The following F10 variants were observed in gnomAD, a reference collection of about 807,000 sequenced individuals.
The protein encoded by F10 is Stuart-Prower factor.
F10 carries 29 observed loss-of-function variants against 37.1 expected under a neutral mutation model. The ratio of observed to expected loss-of-function variants is 0.78; its 90% CI spans 0.58 to 1.07. F10 has a LOEUF of 1.07. F10 is among the 50% of genes least tolerant of loss of function. F10 has a pLI of 0.00. For missense variants in F10, 539 were observed against 667.9 expected (o/e 0.81, Z 2.13); for synonymous variants, 262 against 268.6 (o/e 0.98, Z 0.24).
In F10 at chr13:113,147,408, T is replaced by C. The variant is rs779364845; in HGVS notation, c.777T>C (p.Gly259=). 35 of 1,613,416 alleles carry C rather than the reference T, an allele frequency of 2.2e-5. No homozygotes were observed. Among genetic ancestry groups the C allele is most frequent in the Non-Finnish European group, 2.6e-5 (31 of 1,179,622 alleles). The part of the protein sequence containing the change: ...QALLINEENE[G]FCGGTILSEF... ...TGCTCATCAATGAGGAAAACGAGGG[T>C]TTCTGTGGTGGAACCATTCTGAGCG... The change falls in exon 7 of 8, where the codon GGT becomes GGC. Residue 259 remains glycine, a synonymous_variant. Transcript: ENST00000375559.
At chr13:113,125,657 G>A (rs1481281874) in intron 1 of F10, among the ~76,000 whole-genome samples, 1 of 152,256 alleles carries the variant, frequency 6.6e-6, no homozygotes, top group Non-Finnish European at 1.5e-5. Flanking sequence ...GGCCTGCTCA[G>A]TCTGACTGAA....
In F10 at chr13:113,143,165, C is replaced by G. The variant is rs561674375; in HGVS notation, c.503-686C>G. Reference sequence around the variant, plus strand: ...GAAGCCCCTTGCCATCCATTCCCCCCTCCTCTCCTCTCCTGCTCCCCCACA... The same window carrying G: ...GAAGCCCCTTGCCATCCATTCCCCCGTCCTCTCCTCTCCTGCTCCCCCACA... On this transcript the variant is annotated intron_variant, in intron 5 of 7. Coordinates refer to ENST00000375559, the MANE Select transcript of F10 (RefSeq NM_000504.4). The surrounding 1 kb of genome is among the most constrained non-coding windows in gnomAD (Gnocchi z 6.8). 4.0e-5 allele frequency among the ~76,000 whole-genome samples: 6 copies of G among 151,250 alleles called. 1 individual carries two copies. The South Asian group carries it at 1.3e-3, about 32-fold the overall frequency.
Position 113,147,450 on chromosome 13 carries a change from G to A in F10, c.819G>A (p.Thr273=), listed in dbSNP as rs769527433. Residue 273 remains threonine (T), a synonymous_variant, in exon 7 of 8, where the codon ACG becomes ACA. Coordinates refer to ENST00000375559, the MANE Select transcript of F10 (RefSeq NM_000504.4). ...TTCTGAGCGAGTTCTACATCCTAAC[G>A]GCAGCCCACTGTCTCTACCAAGCCA... The part of the protein sequence containing the change: ...GTILSEFYIL[T]AAHCLYQAKR... 42 of 1,613,876 alleles carry A rather than the reference G, an allele frequency of 2.6e-5. No homozygotes were observed. In the Admixed American group the frequency reaches 3.0e-4, roughly 12 times the overall value.
At position 113,129,486 on chromosome 13, in the gene F10, G is replaced by A; in HGVS notation, c.105G>A (p.Leu35=). 1 of 1,614,104 alleles carries A rather than the reference G, an allele frequency of 6.2e-7. No individual in the cohort carries two copies. The highest frequency in any genetic ancestry group is 8.5e-7 in the Non-Finnish European group (1 of 1,180,030). Residue 35 remains leucine (L), a synonymous_variant, in exon 2 of 8, where the codon CTG becomes CTA. Coordinates refer to ENST00000375559, the MANE Select transcript of F10 (RefSeq NM_000504.4). ...FIRREQANNI[L]ARVTRANSFL... ...GCAGGGAGCAGGCCAACAACATCCTGGCGAGGGTCACGAGGGCCAATTCCT... is the reference window on the plus strand; with the variant it reads ...GCAGGGAGCAGGCCAACAACATCCTAGCGAGGGTCACGAGGGCCAATTCCT...
intron 7 of F10, among the ~76,000 whole-genome samples, 186 bp downstream of exon 7, chr13:113,147,682 G>A (rs944334909): frequency 6.6e-6 from 1 of 152,174 alleles, no homozygotes; most frequent in African/African-American, 2.4e-5. Flanking sequence ...AGAGTGGGGA[G>A]GAGGACGGGG....
Position 113,144,303 on chromosome 13 carries a change from G to A in F10, c.747+208G>A, listed in dbSNP as rs2138549539. Reference sequence around the variant, plus strand: ...GTGAGCTCCACAGGGAAGTGGCCGGGGCTGAGGGAGAGGCTGGGCCCAGGC... The same window carrying A: ...GTGAGCTCCACAGGGAAGTGGCCGGAGCTGAGGGAGAGGCTGGGCCCAGGC... On this transcript the variant is annotated intron_variant, in intron 6 of 7. Transcript: ENST00000375559. This position sits in a 1 kb window ranked among gnomAD's most constrained non-coding sequence, Gnocchi z 6.4. 1.4e-6 allele frequency: 1 copy of A among 713,056 alleles called. No individual in the cohort carries two copies. Among genetic ancestry groups the A allele is most frequent in the Non-Finnish European group, 2.3e-6 (1 of 433,552 alleles). The allele number at this position is 713,056 out of a possible 1,614,324, so 44.2% of individuals were successfully genotyped here. A position where few individuals can be genotyped will look rare whatever the true frequency, so the allele number is the denominator to read the frequency against.
intron 2 of F10, chr13:113,130,330 C>T (rs3211742): frequency 0.1 from 15,752 of 154,218 alleles, 1,081 homozygotes; most frequent in Middle Eastern, 0.16. Flanking sequence ...AGACGCTACC[C>T]TCCTCTCCCC....
Position 113,143,699 on chromosome 13 carries a change from A to ACGAAGTT in F10, c.503-150_503-149insAAGTTCG. Reference sequence around the variant, plus strand: ...CCTGCAGATCCGACCCCTGCCGACGACGTGGGGCCTCGCCCTGCAAGCCCG... The same window carrying ACGAAGTT: ...CCTGCAGATCCGACCCCTGCCGACGACGAAGTTCGTGGGGCCTCGCCCTGCAAGCCCG... On this transcript the variant is annotated intron_variant, in intron 5 of 7. Coordinates refer to ENST00000375559, the MANE Select transcript of F10 (RefSeq NM_000504.4). The surrounding 1 kb of genome is among the most constrained non-coding windows in gnomAD (Gnocchi z 6.8). 1.7e-6 allele frequency: 2 copies of ACGAAGTT among 1,203,574 alleles called. No homozygotes were observed. The highest frequency in any genetic ancestry group is 2.3e-6 in the Non-Finnish European group (2 of 856,668). The allele number at this position is 1,203,574 out of a possible 1,614,324, so 74.6% of individuals were successfully genotyped here.
At chr13:113,128,282 G>T (rs1057096948) in intron 1 of F10, 1 of 152,214 alleles carries the variant, frequency 6.6e-6, no homozygotes, top group African/African-American at 2.4e-5. Flanking sequence ...TAGGGGGACA[G>T]AAGTTACATA....
At chr13:113,148,345 A>ATATATATATATATATATATATAT (rs1555396301) in intron 7 of F10, among the ~76,000 whole-genome samples, 2 of 95,410 alleles carry the variant, frequency 2.1e-5, no homozygotes, top group Admixed American at 2.8e-4. Flanking sequence ...AAAAAAAAAA[A>ATATATATATATATATATATATAT]ATATATATAT....
intron 5 of F10, among the ~76,000 whole-genome samples, chr13:113,142,795 G>A (rs2138546961): frequency 6.6e-6 from 1 of 152,056 alleles, no homozygotes; most frequent in South Asian, 2.1e-4. Context: ...AGCTGGGCGT[G>A]GTGGCGCACG....
chr13:113,134,941 A>G (rs2036464984), intron 2 of F10, among the ~76,000 whole-genome samples: 2 of 152,192 alleles, frequency 1.3e-5, no homozygotes, highest in African/African-American at 4.8e-5. Flanking sequence ...GACTCAACAT[A>G]TTAAGATATC....
In F10 at chr13:113,149,196, G is replaced by C. The variant is rs1281170047; in HGVS notation, c.1146G>C (p.Val382=). 6.2e-7 allele frequency: 1 copy of C among 1,612,904 alleles called. No homozygotes were observed. The highest frequency in any genetic ancestry group is 1.3e-5 in the African/African-American group (1 of 74,918). ...CCACCAGGCTCAAGATGCTGGAGGT[G>C]CCCTACGTGGACCGCAACAGCTGCA... is the stretch of plus-strand genomic sequence containing the variant. ...RQSTRLKMLE[V]PYVDRNSCKL... The change falls in exon 8 of 8, where the codon GTG becomes GTC. Residue 382 remains valine, a synonymous_variant. Coordinates refer to ENST00000375559, the MANE Select transcript of F10 (RefSeq NM_000504.4). This position sits in a 1 kb window ranked among gnomAD's most constrained non-coding sequence, Gnocchi z 7.5.
At position 113,146,038 on chromosome 13, in the gene F10, G is replaced by A. The variant is rs1037558992; in HGVS notation, c.748-1341G>A. On this transcript the variant is annotated intron_variant, in intron 6 of 7. Transcript: ENST00000375559. The surrounding 1 kb of genome is among the most constrained non-coding windows in gnomAD (Gnocchi z 4.5). ...AAGCAAGAATCTCAGAGCTGCCAGCGCCCCCATGAATTCCCCCAGGTCTTC... is the reference window on the plus strand; with the variant it reads ...AAGCAAGAATCTCAGAGCTGCCAGCACCCCCATGAATTCCCCCAGGTCTTC... 1.4e-4 allele frequency among the ~76,000 whole-genome samples: 21 copies of A among 152,226 alleles called. No homozygotes were observed. The highest frequency in any genetic ancestry group is 2.1e-4 in the South Asian group (1 of 4,824).
chr13:113,124,923 A>G (rs572772), intron 1 of F10, among the ~76,000 whole-genome samples: 63,295 of 152,102 alleles, frequency 0.42, 13,755 homozygotes, highest in African/African-American at 0.54. Flanking sequence ...CTCACAGCCC[A>G]TGGCTTGTGG....
At chr13:113,137,265 CT>C (rs1481203140) in intron 2 of F10, among the ~76,000 whole-genome samples, 1 of 152,104 alleles carries the variant, frequency 6.6e-6, no homozygotes, top group Non-Finnish European at 1.5e-5. Flanking sequence ...ATAATAAACA[CT>C]TTCATTTACA....
intron 2 of F10, chr13:113,132,019 T>TA (rs2036439101): frequency 6.6e-6 from 1 of 152,296 alleles, no homozygotes; most frequent in Non-Finnish European, 1.5e-5. Flanking sequence ...CAGCCACTAA[T>TA]ACAATGGAAA....
In F10 at chr13:113,148,986, C is replaced by A; in HGVS notation, c.936C>A (p.Asn312Lys). ...AGGTGGAGGTGGTCATCAAGCACAACCGGTTCACAAAGGAGACCTATGACT... is the reference window on the plus strand; with the variant it reads ...AGGTGGAGGTGGTCATCAAGCACAAACGGTTCACAAAGGAGACCTATGACT... ...VHEVEVVIKH[N>K]RFTKETYDFD... is the part of the protein sequence containing the mutation. Residue 312 changes from asparagine (N) to lysine (K), a missense_variant, in exon 8 of 8, where the codon AAC (asparagine) becomes AAA (lysine). Physicochemically the swap from Asn to Lys is moderately conservative, Grantham distance 94 (BLOSUM62 0). Transcript: ENST00000375559. The A allele has an allele frequency of 1.9e-6, 3 of 1,613,606 alleles. No homozygotes were observed.
chr13:113,125,175 A>T (rs2036358939), intron 1 of F10, among the ~76,000 whole-genome samples: 1 of 152,224 alleles, frequency 6.6e-6, no homozygotes, highest in Non-Finnish European at 1.5e-5. Context: ...GCCACCTGTG[A>T]GTGTTTTCTG....
Sources: gnomAD v4.1 joint callset for allele counts (sites outside exome capture counted in the v4.1 genomes callset) on GRCh38, gnomAD v4.1.1 for gene constraint, Gnocchi (gnomAD v3.1) non-coding constraint, MANE v1.5 for transcripts, NCBI Gene and HGNC (gene_info 2026-07-23, HGNC 2026-07-21) for gene names.